The following ARNT2 variants were observed in gnomAD, a reference collection of about 807,000 sequenced individuals.
ARNT2 encodes aryl hydrocarbon receptor nuclear translocator 2, also known as ARNT protein 2.
A neutral mutation model predicts 91.7 loss-of-function variants in ARNT2; 36 were observed. The ratio of observed to expected loss-of-function variants is 0.39; its 90% CI spans 0.30 to 0.52. The LOEUF (loss-of-function observed/expected upper bound fraction) is 0.52. ARNT2 is among the 20% of genes least tolerant of loss of function. ARNT2 has a pLI of 0.72. For synonymous variants in ARNT2, 365 were observed against 347.1 expected (o/e 1.05, Z -0.57); for missense variants, 775 against 939.3 (o/e 0.83, Z 2.29).
At chr15:80,497,616 C>T (rs1014305957) in intron 5 of ARNT2, among the ~76,000 whole-genome samples, 9 of 152,228 alleles carry the variant, frequency 5.9e-5, no homozygotes, top group Non-Finnish European at 1.2e-4. Context: ...TTTTAAGCTG[C>T]TGAGTTGCTA....
At chr15:80,528,322 C>T (rs932712230) in intron 8 of ARNT2, among the ~76,000 whole-genome samples, 1 of 152,190 alleles carries the variant, frequency 6.6e-6, no homozygotes, top group African/African-American at 2.4e-5. Flanking sequence ...TGAAAGTCAT[C>T]TGAGGCTTTG....
chr15:80,545,574 G>T (rs1254809479), intron 8 of ARNT2, among the ~76,000 whole-genome samples: 1 of 152,200 alleles, frequency 6.6e-6, no homozygotes, highest in East Asian at 1.9e-4. Flanking sequence ...GAAGCAGACA[G>T]GTTTGGTGTC....
chr15:80,431,222 C>G lies in ARNT2; in HGVS notation c.32-19658C>G, dbSNP rs114503367. On this transcript the variant is annotated intron_variant, in intron 1 of 18. Coordinates refer to ENST00000303329, the MANE Select transcript of ARNT2 (RefSeq NM_014862.4). ...AGCCTTGGGCCTTGTGAACAGCACG[C>G]CCCCTCTGTCCTCTCTGCATGTTCT... is the stretch of plus-strand genomic sequence containing the variant. Among the ~76,000 whole-genome samples, 503 of 152,300 alleles carry G rather than the reference C, an allele frequency of 3.3e-3. 2 individuals are homozygous for G. Among genetic ancestry groups the G allele is most frequent in the African/African-American group, 0.011 (466 of 41,552 alleles).
intron 15 of ARNT2, among the ~76,000 whole-genome samples, chr15:80,579,436 T>C (rs1245126559): frequency 6.6e-6 from 1 of 152,222 alleles, no homozygotes; most frequent in Admixed American, 6.5e-5. Context: ...AGGGATCAGA[T>C]AGCATAGGAA....
At chr15:80,479,533 T>C (rs1896855425) in intron 5 of ARNT2, among the ~76,000 whole-genome samples, 1 of 152,168 alleles carries the variant, frequency 6.6e-6, no homozygotes, top group African/African-American at 2.4e-5. Flanking sequence ...GGTTTTCACT[T>C]TGTGATCTTG....
At chr15:80,568,923 AAC>A (rs561531585) in intron 12 of ARNT2, among the ~76,000 whole-genome samples, 31 of 152,070 alleles carry the variant, frequency 2.0e-4, no homozygotes, top group African/African-American at 3.6e-4. Context: ...AGTGAGCTCT[AAC>A]ACACACACAC....
chr15:80,556,502 A>G (rs1025221903), intron 11 of ARNT2: 3 of 152,622 alleles, frequency 2.0e-5, no homozygotes, highest in African/African-American at 4.8e-5. Context: ...GGAATTTGAA[A>G]TAGGGGGCAA....
chr15:80,429,108 A>G (rs1895973620), intron 1 of ARNT2, among the ~76,000 whole-genome samples: 1 of 152,210 alleles, frequency 6.6e-6, no homozygotes, highest in Admixed American at 6.5e-5. Flanking sequence ...TAAGAAATAT[A>G]TATTTGGTCT....
chr15:80,568,359 C>G (rs1054130761), intron 12 of ARNT2, among the ~76,000 whole-genome samples: 1 of 152,200 alleles, frequency 6.6e-6, no homozygotes, highest in Admixed American at 6.5e-5. Flanking sequence ...CTCTTTGTGT[C>G]TGTTCAGGCC....
In ARNT2 at chr15:80,513,970, G is replaced by T. The variant is rs370124029; in HGVS notation, c.785G>T (p.Arg262Met). 2.5e-6 allele frequency: 4 copies of T among 1,612,734 alleles called. No individual in the cohort carries two copies. The highest frequency in any genetic ancestry group is 3.3e-5 in the Admixed American group (2 of 60,008). Reference sequence around the variant, plus strand: ...AACAGAATAACCACCATGAGGAAAAGGTTCAGGTCAGTATCTCTTCCGATG... The same window carrying T: ...AACAGAATAACCACCATGAGGAAAATGTTCAGGTCAGTATCTCTTCCGATG... Reference protein sequence around the residue: ...PLNRITTMRKRFRNGLGPVKE... With the variant: ...PLNRITTMRKMFRNGLGPVKE... The change falls in exon 7 of 19, where the codon AGG (arginine) becomes ATG (methionine). Residue 262 changes from arginine (R) to methionine (M), a missense_variant. Transcript: ENST00000303329.
At chr15:80,523,224 C>G (rs1897581500) in intron 8 of ARNT2, among the ~76,000 whole-genome samples, 1 of 152,196 alleles carries the variant, frequency 6.6e-6, no homozygotes, top group Admixed American at 6.5e-5. Flanking sequence ...ATGTGGACCA[C>G]TGGAAGGGAG....
intron 12 of ARNT2, among the ~76,000 whole-genome samples, chr15:80,568,725 G>A (rs1319816058): frequency 6.6e-6 from 1 of 152,202 alleles, no homozygotes; most frequent in Non-Finnish European, 1.5e-5. Flanking sequence ...CACCTCAACA[G>A]GCAACCTGGC....
Position 80,404,633 on chromosome 15 carries a change from G to A in ARNT2, c.31+87G>A. 1 of 919,744 alleles carries A rather than the reference G, an allele frequency of 1.1e-6. No homozygotes were observed. Among genetic ancestry groups the A allele is most frequent in the Non-Finnish European group, 1.3e-6 (1 of 765,276 alleles). 57.0% of individuals were successfully genotyped at this position (919,744 alleles called of 1,614,324 possible). On this transcript the variant is annotated intron_variant, in intron 1 of 18. Transcript: ENST00000303329. This position sits in a 1 kb window ranked among gnomAD's most constrained non-coding sequence, Gnocchi z 5.5. ...CGGACCAGGCGCGCCGGGCGCCCCC[G>A]GGGGCGCGGAGCCGCAGCTCGGCGC... is the stretch of plus-strand genomic sequence containing the variant.
At chr15:80,415,360 G>A (rs76740122) in intron 1 of ARNT2, among the ~76,000 whole-genome samples, 166 of 152,358 alleles carry the variant, frequency 1.1e-3, no homozygotes, top group African/African-American at 4.0e-3. Flanking sequence ...ACAGTAGTGT[G>A]CAAACCCAGG....
rs1042629900 is a variant in ARNT2, at chr15:80,514,889, AAAAC to A, written c.877+500_877+503del. On this transcript the variant is annotated intron_variant, in intron 8 of 18. Transcript: ENST00000303329. ...CAACACAGCAAGACCCCATCTCAAAAAAACAAACAAACAAACAAAAAACAAAAAA... is the reference window on the plus strand; with the variant it reads ...CAACACAGCAAGACCCCATCTCAAAAAAACAAACAAACAAAAAACAAAAAA... Among the ~76,000 whole-genome samples the A allele has an allele frequency of 5.9e-5, 9 of 152,304 alleles. No homozygotes were observed. The South Asian group carries it at 6.2e-4, about 11-fold the overall frequency.
chr15:80,559,221 C>G (rs1266123429), intron 11 of ARNT2, among the ~76,000 whole-genome samples: 1 of 152,232 alleles, frequency 6.6e-6, no homozygotes, highest in African/African-American at 2.4e-5. Context: ...AACATCTGAT[C>G]CCACCCTGAT....
At position 80,451,099 on chromosome 15, in the gene ARNT2, C is replaced by G. The variant is rs555828558; in HGVS notation, c.146+105C>G. 1.6e-5 allele frequency: 18 copies of G among 1,098,038 alleles called. No individual in the cohort carries two copies. The African/African-American group carries it at 2.7e-4, about 16-fold the overall frequency. The allele number at this position is 1,098,038 out of a possible 1,614,324, so 68.0% of individuals were successfully genotyped here. On this transcript the variant is annotated intron_variant, in intron 2 of 18. Transcript: ENST00000303329. The stretch of plus-strand genomic sequence containing the variant: ...CTCCCCTTCCTGTAGAATAAAAGCT[C>G]AGCAGTTTGCATCCTGTTTAACTTT...
intron 2 of ARNT2, among the ~76,000 whole-genome samples, chr15:80,456,388 A>G (rs1896482066): frequency 6.6e-6 from 1 of 151,620 alleles, no homozygotes; most frequent in Middle Eastern, 3.4e-3. Flanking sequence ...TTTTGTTCTT[A>G]TACTGTTAGT....
In ARNT2 at chr15:80,413,664, C is replaced by T. The variant is rs1047484434; in HGVS notation, c.31+9118C>T. Among the ~76,000 whole-genome samples the T allele has an allele frequency of 1.1e-4, 17 of 152,204 alleles. 1 individual carries two copies. The highest frequency in any genetic ancestry group is 2.6e-4 in the Admixed American group (4 of 15,280). ...GGCTTAGGTGGCAAAAGGAAAGACT[C>T]TGAGGTAGGACAGCCTGGGAAGATT... On this transcript the variant is annotated intron_variant, in intron 1 of 18. Coordinates refer to ENST00000303329, the MANE Select transcript of ARNT2 (RefSeq NM_014862.4).
Sources: allele counts gnomAD v4.1 joint callset (sites outside exome capture counted in the v4.1 genomes callset), GRCh38; gene constraint gnomAD v4.1.1; non-coding constraint Gnocchi (gnomAD v3.1); transcripts MANE v1.5; gene names NCBI Gene and HGNC (gene_info 2026-07-23, HGNC 2026-07-21).